RNF24: variants seen among roughly 807,000 people sequenced by gnomAD.
RNF24 encodes ring finger protein 24.
A neutral mutation model predicts 20.0 loss-of-function variants in RNF24; 14 were observed. That is an observed-to-expected ratio of 0.70 (90% CI 0.46 to 1.10). The LOEUF is 1.10. Ranked by LOEUF, RNF24 falls within the 50% of genes least tolerant of loss-of-function variation. The pLI, the probability that RNF24 is intolerant of heterozygous loss-of-function variation, is 0.00. For synonymous variants in RNF24, 45 were observed against 61.1 expected, an observed-to-expected ratio of 0.74 and a Z score of 1.23; for missense variants, 124 against 177.6, an observed-to-expected ratio of 0.70 and a Z score of 1.71.
At chr20:4,006,453 T>C (rs976502183) in intron 1 of RNF24, among the ~76,000 whole-genome samples, 23 of 151,496 alleles carry the variant, frequency 1.5e-4, no homozygotes, top group Non-Finnish European at 2.6e-4. Context: ...TGATCAAAAC[T>C]TTAGAAGATG....
chr20:4,011,445 T>A (rs1454802342), intron 1 of RNF24, among the ~76,000 whole-genome samples: 1 of 151,776 alleles, frequency 6.6e-6, no homozygotes, highest in African/African-American at 2.4e-5. Flanking sequence ...ATTCCCAAGA[T>A]GATGACAAAG....
At chr20:3,957,175 G>A (rs890661193) in intron 2 of RNF24, among the ~76,000 whole-genome samples, 7 of 152,140 alleles carry the variant, frequency 4.6e-5, no homozygotes, top group Non-Finnish European at 8.8e-5. Flanking sequence ...GTACACGCCT[G>A]TAATCCCAGC....
In RNF24 at chr20:3,930,517, G is replaced by T. The variant is rs530001152; in HGVS notation, c.*3546C>A. On this transcript the variant is annotated 3_prime_UTR_variant, in exon 6 of 6. Transcript: ENST00000358395. ...GGGACGTTACTACAATCCCTGGGTGGTAGCTAAGGAAGCTAAGGAAGAGAC... is the reference window on the plus strand; with the variant it reads ...GGGACGTTACTACAATCCCTGGGTGTTAGCTAAGGAAGCTAAGGAAGAGAC... 1 of 152,104 alleles carries T rather than the reference G, an allele frequency of 6.6e-6. No homozygotes were observed. The highest frequency in any genetic ancestry group is 2.4e-5 in the African/African-American group (1 of 41,348). 9.4% of individuals were successfully genotyped at this position (152,104 alleles called of 1,614,324 possible).
rs1322669124 is a variant in RNF24 at position 3,932,685 on chromosome 20, A to G, written c.*1378T>C. Reference sequence around the variant, plus strand: ...TCCCCCACTCACACCTGTGGGATGGAGTGGAGCAAAGCAGTTGACGAGGAA... The same window carrying G: ...TCCCCCACTCACACCTGTGGGATGGGGTGGAGCAAAGCAGTTGACGAGGAA... On this transcript the variant is annotated 3_prime_UTR_variant, in exon 6 of 6. Transcript: ENST00000358395. 2 of 380,450 alleles carry G rather than the reference A, an allele frequency of 5.3e-6. No individual in the cohort carries two copies. Among genetic ancestry groups the G allele is most frequent in the Non-Finnish European group, 9.3e-6 (2 of 215,352 alleles). The allele number at this position is 380,450 out of a possible 1,614,324, so 23.6% of individuals were successfully genotyped here.
Position 3,933,833 on chromosome 20 carries a change from G to A in RNF24, c.*230C>T, listed in dbSNP as rs2090856412. ...TCATGAAGTTTCTTGAGGCAAACCCGCAGGCTCATCCACTCCTCTTCTCTC... is the reference window on the plus strand; with the variant it reads ...TCATGAAGTTTCTTGAGGCAAACCCACAGGCTCATCCACTCCTCTTCTCTC... On this transcript the variant is annotated 3_prime_UTR_variant, in exon 6 of 6. Coordinates refer to ENST00000358395, the MANE Select transcript of RNF24 (RefSeq NM_001134337.3). The A allele has an allele frequency of 5.6e-6, 2 of 356,034 alleles. No homozygotes were observed. The highest frequency in any genetic ancestry group is 4.7e-5 in the Admixed American group (1 of 21,354). 22.1% of individuals were successfully genotyped at this position (356,034 alleles called of 1,614,324 possible). A position where few individuals can be genotyped will look rare whatever the true frequency, so the allele number is the denominator to read the frequency against.
chr20:3,964,957 T>A (rs2146991632), intron 1 of RNF24, among the ~76,000 whole-genome samples: 1 of 152,318 alleles, frequency 6.6e-6, no homozygotes, highest in South Asian at 2.1e-4. Context: ...TCCACTGCCT[T>A]GCTCATGTGT....
intron 1 of RNF24, among the ~76,000 whole-genome samples, chr20:4,005,699 G>A (rs1981811770): frequency 6.6e-6 from 1 of 151,796 alleles, no homozygotes; most frequent in South Asian, 2.1e-4. Context: ...ATTTGGGAAG[G>A]AACAATAAAG....
chr20:4,003,632 CCTTTTTTTTTTT>C (rs1981597505), intron 1 of RNF24, among the ~76,000 whole-genome samples: 1 of 78,056 alleles, frequency 1.3e-5, no homozygotes, highest in African/African-American at 4.2e-5. Context: ...GTTAGAAACT[CCTTTTTTTTTTT>C]TTTTTTTTTT....
intron 1 of RNF24, among the ~76,000 whole-genome samples, chr20:4,005,331 A>C (rs1981778511): frequency 6.6e-6 from 1 of 152,186 alleles, no homozygotes; most frequent in South Asian, 2.1e-4. Flanking sequence ...CTATTGATAT[A>C]CTGTTCTGTG....
intron 4 of RNF24, among the ~76,000 whole-genome samples, chr20:3,943,279 T>C: frequency 6.6e-6 from 1 of 150,452 alleles, no homozygotes; most frequent in African/African-American, 2.4e-5. Flanking sequence ...GTTAATGCAA[T>C]ATAAATCAAA....
chr20:3,985,753 G>A (rs1219129807), intron 1 of RNF24, among the ~76,000 whole-genome samples: 1 of 144,372 alleles, frequency 6.9e-6, no homozygotes, highest in Non-Finnish European at 1.5e-5. Context: ...TGCCCAGGCT[G>A]GAGTGCAATG....
intron 1 of RNF24, among the ~76,000 whole-genome samples, chr20:3,979,008 C>T (rs570302622): frequency 6.0e-4 from 91 of 150,496 alleles, no homozygotes; most frequent in Admixed American, 1.8e-3. Context: ...GCAGGAGAAA[C>T]GGTTAAACTC....
At chr20:3,990,425 G>T (rs1262279748) in intron 1 of RNF24, among the ~76,000 whole-genome samples, 2 of 152,166 alleles carry the variant, frequency 1.3e-5, no homozygotes, top group Non-Finnish European at 2.9e-5. Flanking sequence ...AGATGTACTT[G>T]CATGCATACT....
At chr20:4,009,224 C>T (rs1247209565) in intron 1 of RNF24, among the ~76,000 whole-genome samples, 2 of 152,030 alleles carry the variant, frequency 1.3e-5, no homozygotes, top group African/African-American at 2.4e-5. Flanking sequence ...AGGGAAGGCA[C>T]GTAAACTTCT....
At chr20:3,953,574 C>G (rs1029168703) in intron 2 of RNF24, among the ~76,000 whole-genome samples, 9 of 151,588 alleles carry the variant, frequency 5.9e-5, no homozygotes, top group African/African-American at 2.2e-4. Context: ...AAGCAAGTCC[C>G]CTGCCTCAGC....
intron 3 of RNF24, 104 bp downstream of exon 3, chr20:3,948,133 C>A (rs1174191182): frequency 1.3e-6 from 1 of 771,916 alleles, no homozygotes; most frequent in East Asian, 2.8e-5. Flanking sequence ...CTAAAATGAA[C>A]ACAAGTAAAT....
At chr20:3,984,454 C>G (rs558317681) in intron 1 of RNF24, among the ~76,000 whole-genome samples, 1 of 152,292 alleles carries the variant, frequency 6.6e-6, no homozygotes, top group East Asian at 1.9e-4. Context: ...TGAGCCTCAG[C>G]ACCTAAGCTG....
chr20:3,947,818 G>A (rs917942850), intron 3 of RNF24, among the ~76,000 whole-genome samples: 11 of 152,128 alleles, frequency 7.2e-5, no homozygotes, highest in East Asian at 1.9e-4. Context: ...AGGCCGAGGC[G>A]GGCGGATCAC....
intron 3 of RNF24, among the ~76,000 whole-genome samples, chr20:3,945,730 A>G (rs2091008748): frequency 6.6e-6 from 1 of 152,010 alleles, no homozygotes; most frequent in Admixed American, 6.6e-5. Flanking sequence ...AAAAAAAAAA[A>G]AAGTAAGTCA....
Sources: allele counts gnomAD v4.1 joint callset (sites outside exome capture counted in the v4.1 genomes callset), GRCh38; gene constraint gnomAD v4.1.1; transcripts MANE v1.5; gene names NCBI Gene and HGNC (gene_info 2026-07-23, HGNC 2026-07-21).